The following SVIL variants were observed in gnomAD, a reference collection of about 807,000 sequenced individuals.
SVIL encodes the protein archvillin.
In SVIL, 101 loss-of-function variants were observed where a neutral mutation model predicts 240.4. The observed-to-expected ratio is 0.42, with a 90% CI of 0.36 to 0.50. The LOEUF is 0.50. Among genes scored for constraint, SVIL ranks in the 20% least tolerant of loss-of-function variants. SVIL has a pLI of 0.01. For synonymous variants in SVIL, 999 were observed against 1,100.0 expected, an observed-to-expected ratio of 0.91 and a Z score of 1.82; for missense variants, 2,512 against 2,818.7, an observed-to-expected ratio of 0.89 and a Z score of 2.46.
At position 29,553,388 on chromosome 10, in the gene SVIL, C is replaced by T. The variant is rs555716237; in HGVS notation, c.160+1395G>A. On this transcript the variant is annotated intron_variant, in intron 5 of 37. Coordinates refer to ENST00000355867, the MANE Select transcript of SVIL (RefSeq NM_021738.3). ...GAGGTCAGGAGTTCGAGACCAGCCT[C>T]GCCAACATGGTGAAACCTCATCTGT... Among the ~76,000 whole-genome samples, 325 of 151,980 alleles carry T rather than the reference C, an allele frequency of 2.1e-3. 1 individual carries two copies. Among genetic ancestry groups the T allele is most frequent in the Admixed American group, 3.9e-3 (60 of 15,254 alleles).
At chr10:29,678,612 T>C (rs1960386771) in intron 2 of SVIL, among the ~76,000 whole-genome samples, 1 of 152,206 alleles carries the variant, frequency 6.6e-6, no homozygotes, top group Non-Finnish European at 1.5e-5. Flanking sequence ...CCTGCATCTG[T>C]GAATGGCAGG....
intron 1 of SVIL, among the ~76,000 whole-genome samples, chr10:29,575,799 T>C (rs542702180): frequency 6.6e-6 from 1 of 152,330 alleles, no homozygotes; most frequent in African/African-American, 2.4e-5. Context: ...CAGACACATG[T>C]GATGGAATCC....
At chr10:29,734,253 G>T (rs1213853692) in intron 1 of SVIL, among the ~76,000 whole-genome samples, 1 of 152,154 alleles carries the variant, frequency 6.6e-6, no homozygotes, top group African/African-American at 2.4e-5. Context: ...ATATGAGTTG[G>T]TTTAGCTATG....
At chr10:29,714,657 A>G (rs1362097143) in intron 1 of SVIL, among the ~76,000 whole-genome samples, 1 of 152,164 alleles carries the variant, frequency 6.6e-6, no homozygotes, top group Admixed American at 6.6e-5. Context: ...TAGGAGGATC[A>G]GAGACAAAAG....
chr10:29,480,231 T>C (rs1946678171), intron 29 of SVIL, among the ~76,000 whole-genome samples: 2 of 152,274 alleles, frequency 1.3e-5, no homozygotes, highest in South Asian at 4.1e-4. Context: ...GCCAATCATC[T>C]CTTTCCCAGA....
intron 27 of SVIL, among the ~76,000 whole-genome samples, chr10:29,481,951 T>C (rs1946901289): frequency 6.6e-6 from 1 of 152,154 alleles, no homozygotes; most frequent in Non-Finnish European, 1.5e-5. Context: ...GAGTTTTTGA[T>C]GTGCCTGAAT....
chr10:29,675,415 G>T (rs1402058652), intron 2 of SVIL, among the ~76,000 whole-genome samples: 1 of 152,170 alleles, frequency 6.6e-6, no homozygotes, highest in African/African-American at 2.4e-5. Flanking sequence ...GAGGCTGGAG[G>T]ATCATTTGAG....
intron 1 of SVIL, among the ~76,000 whole-genome samples, chr10:29,620,512 G>T (rs1957591915): frequency 6.6e-6 from 1 of 152,210 alleles, no homozygotes; most frequent in Admixed American, 6.5e-5. Context: ...TTCATTCAGT[G>T]CAACAGCTGA....
At chr10:29,676,396 G>A (rs547457047) in intron 2 of SVIL, among the ~76,000 whole-genome samples, 40 of 152,188 alleles carry the variant, frequency 2.6e-4, no homozygotes, top group Non-Finnish European at 4.4e-4. Context: ...GTGTGTGTGC[G>A]CACACGCACA....
chr10:29,710,791 A>T (rs1010435679), intron 1 of SVIL, among the ~76,000 whole-genome samples: 2 of 152,220 alleles, frequency 1.3e-5, no homozygotes, highest in Non-Finnish European at 2.9e-5. Flanking sequence ...TCAGAAAGTG[A>T]GCCTCAATCA....
At chr10:29,513,297 A>G (rs1264253149) in intron 16 of SVIL, among the ~76,000 whole-genome samples, 1 of 152,184 alleles carries the variant, frequency 6.6e-6, no homozygotes, top group East Asian at 1.9e-4. Context: ...CTGGCCAGGC[A>G]CGGTGGCTTC....
intron 1 of SVIL, among the ~76,000 whole-genome samples, chr10:29,598,773 AG>A (rs1956696410): frequency 6.6e-6 from 1 of 152,188 alleles, no homozygotes; most frequent in Non-Finnish European, 1.5e-5. Context: ...TAATGTGAAA[AG>A]CCTGTTAGGT....
In SVIL at chr10:29,474,980, C is replaced by T. The variant is rs75024722; in HGVS notation, c.5378-991G>A. Among the ~76,000 whole-genome samples, 19 of 152,300 alleles carry T rather than the reference C, an allele frequency of 1.2e-4. No individual in the cohort carries two copies. The East Asian group carries it at 1.7e-3, about 14-fold the overall frequency. ...CCATGGCTGGAACTGCACAGGCACT[C>T]GGTAAACATGAGCAGCACAGGAGGC... On this transcript the variant is annotated intron_variant, in intron 29 of 37. Coordinates refer to ENST00000355867, the MANE Select transcript of SVIL (RefSeq NM_021738.3).
chr10:29,697,087 A>G (rs967622613), intron 1 of SVIL, among the ~76,000 whole-genome samples: 1 of 102,246 alleles, frequency 9.8e-6, no homozygotes, highest in Non-Finnish European at 2.0e-5. Flanking sequence ...GGCCACCCCT[A>G]CTGGGAAGTG....
rs115987458 is a variant in SVIL, at chr10:29,497,451, A to G, written c.3664+1665T>C. ...CCTGCAGGATATGAAATAAAGCCCCAAACACTCTTATGAAGCCTCAAAGCT... is the reference window on the plus strand; with the variant it reads ...CCTGCAGGATATGAAATAAAGCCCCGAACACTCTTATGAAGCCTCAAAGCT... On this transcript the variant is annotated intron_variant, in intron 18 of 37. Transcript: ENST00000355867. 5.4e-3 allele frequency among the ~76,000 whole-genome samples: 825 copies of G among 152,306 alleles called. 6 individuals carry two copies. Among genetic ancestry groups the G allele is most frequent in the African/African-American group, 0.019 (800 of 41,570 alleles).
At chr10:29,734,015 C>T (rs1964763780) in intron 1 of SVIL, among the ~76,000 whole-genome samples, 1 of 152,202 alleles carries the variant, frequency 6.6e-6, no homozygotes, top group Non-Finnish European at 1.5e-5. Flanking sequence ...ACATTCAGCA[C>T]AGTGGCAAAG....
Position 29,532,701 on chromosome 10 carries a change from G to C in SVIL, c.1666C>G (p.Gln556Glu), listed in dbSNP as rs551565684. The C allele has an allele frequency of 2.8e-5, 45 of 1,614,216 alleles. No individual in the cohort carries two copies. In the South Asian group the frequency reaches 4.8e-4, roughly 17 times the overall value. ...TCCTTATACTTCAAGGCCTGGAGCT[G>C]AGGGGGGCCTGTGAAATCTGACAGA... ...RSLSDFTGPP[Q>E]LQALKYKDPA... is the part of the protein sequence containing the mutation. The change falls in exon 8 of 38, where the codon CAG (glutamine) becomes GAG (glutamate). Residue 556 changes from glutamine (Q) to glutamate (E), a missense_variant. Physicochemically the swap from Gln to Glu is conservative, Grantham distance 29 (BLOSUM62 2). Coordinates refer to ENST00000355867, the MANE Select transcript of SVIL (RefSeq NM_021738.3).
At chr10:29,560,350 C>T (rs943770390) in intron 3 of SVIL, among the ~76,000 whole-genome samples, 10 of 152,162 alleles carry the variant, frequency 6.6e-5, no homozygotes, top group Non-Finnish European at 1.3e-4. Flanking sequence ...CCAACGTAAT[C>T]GCATACTTTA....
At chr10:29,731,422 C>A (rs975695532) in intron 1 of SVIL, among the ~76,000 whole-genome samples, 6 of 152,168 alleles carry the variant, frequency 3.9e-5, no homozygotes, top group African/African-American at 1.4e-4. Context: ...AATGCAAAAA[C>A]AACAGAATGT....
Sources: gnomAD v4.1 joint callset for allele counts (sites outside exome capture counted in the v4.1 genomes callset) on GRCh38, gnomAD v4.1.1 for gene constraint, MANE v1.5 for transcripts, NCBI Gene and HGNC (gene_info 2026-07-23, HGNC 2026-07-21) for gene names.